Variants in DPP6 observed in about 807,000 individuals in gnomAD.
The protein encoded by DPP6 is dipeptidyl peptidase like 6.
DPP6 carries 69 observed loss-of-function variants against 122.6 expected under a neutral mutation model. The observed-to-expected ratio is 0.56, with a 90% confidence interval of 0.46 to 0.69. DPP6 has a LOEUF of 0.69. DPP6 is among the 30% of genes least tolerant of loss of function. The pLI, the probability that DPP6 is intolerant of heterozygous loss-of-function variation, is 0.00. For missense variants in DPP6, 928 were observed against 1,116.9 expected (o/e 0.83, Z 2.41); for synonymous variants, 418 against 433.1 (o/e 0.97, Z 0.43).
the DPP6 span, among the ~76,000 whole-genome samples, chr7:153,856,650 C>T: frequency 1.3e-5 from 2 of 152,166 alleles, no homozygotes; most frequent in Non-Finnish European, 1.5e-5. Flanking sequence ...AGTTTACTTA[C>T]CTCTGAGCCT....
At chr7:154,551,388 A>T (rs1330781070) in intron 4 of DPP6, among the ~76,000 whole-genome samples, 6 of 152,148 alleles carry the variant, frequency 3.9e-5, no homozygotes, top group Admixed American at 2.0e-4. Flanking sequence ...TGCTAGACAC[A>T]GATAGATGAT....
chr7:154,567,023 A>G, intron 5 of DPP6, 107 bp downstream of exon 5: 2 of 813,514 alleles, frequency 2.5e-6, no homozygotes, highest in Admixed American at 5.4e-5. Context: ...TGAATCCAGA[A>G]ATACTTTGTA....
At position 154,770,361 on chromosome 7, in the gene DPP6, T is replaced by C. The variant is rs1587085983; in HGVS notation, c.1038+790T>C. Among the ~76,000 whole-genome samples, 7 of 152,220 alleles carry C rather than the reference T, an allele frequency of 4.6e-5. 1 individual carries two copies. ...CTTATTCACTATCAGGAGAACAGCA[T>C]GGGAAAGACCTGCTCCCATGATTCA... On this transcript the variant is annotated intron_variant, in intron 9 of 25. Coordinates refer to ENST00000377770, the MANE Select transcript of DPP6 (RefSeq NM_130797.4).
the DPP6 span, among the ~76,000 whole-genome samples, chr7:153,813,782 G>A: frequency 4.6e-5 from 7 of 151,700 alleles, no homozygotes; most frequent in Admixed American, 2.6e-4. Flanking sequence ...GCCAGTGATG[G>A]TGAGCATTTT....
At chr7:154,588,215 C>G (rs990569029) in intron 5 of DPP6, 32 of 1,444,946 alleles carry the variant, frequency 2.2e-5, no homozygotes, top group African/African-American at 2.9e-5. Context: ...GCAGAGTGTC[C>G]CAGAGGAGGG....
intron 5 of DPP6, among the ~76,000 whole-genome samples, chr7:154,608,885 C>T (rs1833739488): frequency 1.3e-5 from 2 of 152,158 alleles, no homozygotes; most frequent in Admixed American, 1.3e-4. Flanking sequence ...TGATAAACTG[C>T]TTCAGTTCAG....
rs534136530 is a variant in DPP6 at position 154,042,126 on chromosome 7, C to A, written c.51+154392C>A. Among the ~76,000 whole-genome samples the A allele has an allele frequency of 3.7e-3, 566 of 152,260 alleles. 1 individual carries two copies. The highest frequency in any genetic ancestry group is 0.013 in the African/African-American group (533 of 41,540). On this transcript the variant is annotated intron_variant, in intron 1 of 25. Transcript: ENST00000404039. ...ATCCTCACACAACTATGTTCAAAGA[C>A]AGAAAACAGGAGGAAGTGATGTTGG...
chr7:154,518,826 A>G (rs749839830), intron 3 of DPP6, among the ~76,000 whole-genome samples: 1 of 152,220 alleles, frequency 6.6e-6, no homozygotes, highest in Non-Finnish European at 1.5e-5. Flanking sequence ...ATTAATTGAC[A>G]TTATTAATAT....
chr7:154,020,930 A>G (rs1177880429), intron 1 of DPP6, among the ~76,000 whole-genome samples: 14 of 152,174 alleles, frequency 9.2e-5, no homozygotes. Flanking sequence ...CACTGCCCCC[A>G]TTGTGGAGGA....
chr7:154,667,254 GT>G (rs1377245332), intron 6 of DPP6, among the ~76,000 whole-genome samples: 1 of 151,590 alleles, frequency 6.6e-6, no homozygotes, highest in Non-Finnish European at 1.5e-5. Context: ...TTTTCTCCTG[GT>G]TTGTAAGATG....
intron 1 of DPP6, among the ~76,000 whole-genome samples, chr7:154,398,016 C>A (rs1174972226): frequency 6.6e-6 from 1 of 152,174 alleles, no homozygotes; most frequent in Non-Finnish European, 1.5e-5. Flanking sequence ...TTTTACCCAA[C>A]CACTGTGATG....
At chr7:153,963,781 C>A (rs1464064318) in intron 1 of DPP6, among the ~76,000 whole-genome samples, 1 of 152,144 alleles carries the variant, frequency 6.6e-6, no homozygotes, top group Non-Finnish European at 1.5e-5. Context: ...GCCATCCCCA[C>A]CCCGTGTCCC....
At chr7:154,484,019 A>G (rs1823571884) in intron 3 of DPP6, among the ~76,000 whole-genome samples, 1 of 152,130 alleles carries the variant, frequency 6.6e-6, no homozygotes, top group Admixed American at 6.5e-5. Context: ...TATGTTTGCA[A>G]TTCACACAAG....
chr7:153,847,069 CTA>C, the DPP6 span, among the ~76,000 whole-genome samples: 17 of 152,260 alleles, frequency 1.1e-4, 1 homozygote, highest in Admixed American at 9.8e-4. Context: ...AGTCTATAGA[CTA>C]TTGATTTAGC....
At chr7:153,925,876 A>G (rs1293764803) in intron 1 of DPP6, among the ~76,000 whole-genome samples, 1 of 152,222 alleles carries the variant, frequency 6.6e-6, no homozygotes, top group Non-Finnish European at 1.5e-5. Context: ...TGGCTCCACA[A>G]TGTGAGTGTC....
At chr7:154,492,157 A>G (rs1324836661) in intron 3 of DPP6, among the ~76,000 whole-genome samples, 2 of 152,214 alleles carry the variant, frequency 1.3e-5, no homozygotes, top group Non-Finnish European at 2.9e-5. Context: ...TTGTATTTAG[A>G]GCAGAAGGTA....
intron 3 of DPP6, among the ~76,000 whole-genome samples, chr7:154,491,137 G>A (rs1824244355): frequency 6.6e-6 from 1 of 152,060 alleles, no homozygotes; most frequent in South Asian, 2.1e-4. Flanking sequence ...TCTTCTCAAT[G>A]GCTTCTGACA....
chr7:154,740,563 C>A (rs1842772188), intron 8 of DPP6, among the ~76,000 whole-genome samples: 1 of 152,222 alleles, frequency 6.6e-6, no homozygotes, highest in South Asian at 2.1e-4. Flanking sequence ...CCAGATAATG[C>A]TAAACTCCTT....
At chr7:154,404,406 T>C (rs1014621024) in intron 1 of DPP6, among the ~76,000 whole-genome samples, 1 of 152,198 alleles carries the variant, frequency 6.6e-6, no homozygotes, top group Non-Finnish European at 1.5e-5. Flanking sequence ...CATTAGACTT[T>C]ATAAAATACC....
Sources: gnomAD v4.1 joint callset for allele counts (sites outside exome capture counted in the v4.1 genomes callset) on GRCh38, gnomAD v4.1.1 for gene constraint, MANE v1.5 for transcripts, NCBI Gene and HGNC (gene_info 2026-07-23, HGNC 2026-07-21) for gene names.